Variants in AARS2 observed in about 807,000 individuals in gnomAD.
The protein encoded by AARS2 is alanyl-tRNA synthetase 2, mitochondrial.
AARS2 carries 78 observed loss-of-function variants against 119.7 expected under a neutral mutation model. The ratio of observed to expected loss-of-function variants is 0.65; its 90% CI spans 0.54 to 0.79. AARS2 has a LOEUF of 0.79. Among genes scored for constraint, AARS2 ranks in the 30% least tolerant of loss-of-function variants. The pLI is 0.00. For synonymous variants in AARS2, 502 were observed against 526.3 expected (o/e 0.95, Z 0.63); for missense variants, 1,157 against 1,291.3 (o/e 0.90, Z 1.59).
Position 44,305,190 on chromosome 6 carries a change from T to C in AARS2, c.1443A>G (p.Ala481=), listed in dbSNP as rs1270275747. ...GCTTCTGAACTGGCTCAGCCTGCCG[T>C]GCCCGGTGCTGCAGGGTGGGCATGG... ...RLAQEEAQHR[A]RQAEPVQKQG... is the part of the protein sequence containing the mutation. The change falls in exon 11 of 22, where the codon GCA becomes GCG. Residue 481 remains alanine (A), a synonymous_variant. Transcript: ENST00000244571. The surrounding 1 kb of genome is among the most constrained non-coding windows in gnomAD (Gnocchi z 4.6). 6.2e-7 allele frequency: 1 copy of C among 1,611,938 alleles called. No homozygotes were observed. The highest frequency in any genetic ancestry group is 8.5e-7 in the Non-Finnish European group (1 of 1,180,010).
intron 18 of AARS2, 95 bp from the exon 19 acceptor site, chr6:44,302,265 G>C: frequency 6.2e-7 from 1 of 1,609,816 alleles, no homozygotes; most frequent in Non-Finnish European, 8.5e-7. Context: ...CCACCCTGCA[G>C]ACAAATATCT....
rs142157120 is a variant in AARS2, at chr6:44,309,618, C to T, written c.894+681G>A. 1.7e-3 allele frequency among the ~76,000 whole-genome samples: 264 copies of T among 152,324 alleles called. 1 individual carries two copies. Among genetic ancestry groups the T allele is most frequent in the Middle Eastern group, 6.8e-3 (2 of 294 alleles). Reference sequence around the variant, plus strand: ...CTCCAAAGCAGGGAGCTTGATTCACCTAGCTCCAAACCTCTCTCTTCCCCA... The same window carrying T: ...CTCCAAAGCAGGGAGCTTGATTCACTTAGCTCCAAACCTCTCTCTTCCCCA... On this transcript the variant is annotated intron_variant, in intron 5 of 21. Coordinates refer to ENST00000244571, the MANE Select transcript of AARS2 (RefSeq NM_020745.4).
At chr6:44,303,513 A>G in intron 14 of AARS2, 90 bp from the exon 15 acceptor site, 1 of 1,586,092 alleles carries the variant, frequency 6.3e-7, no homozygotes, top group Non-Finnish European at 8.6e-7. Flanking sequence ...ATGTTCACTG[A>G]GCTATCCCCA....
At chr6:44,306,001 C>T (rs1265443964) in intron 9 of AARS2, among the ~76,000 whole-genome samples, 1 of 152,120 alleles carries the variant, frequency 6.6e-6, no homozygotes, top group Non-Finnish European at 1.5e-5. Context: ...TCCCTGGGCA[C>T]ACATCATTTC....
chr6:44,302,700 C>T, intron 17 of AARS2, 102 bp downstream of exon 17: 1 of 1,458,702 alleles, frequency 6.9e-7, no homozygotes, highest in Non-Finnish European at 9.4e-7. Context: ...CAAGTATGAA[C>T]ACTGGCTCTG....
Position 44,305,259 on chromosome 6 carries a change from T to G in AARS2, c.1435-61A>C. On this transcript the variant is annotated intron_variant, in intron 10 of 21. Coordinates refer to ENST00000244571, the MANE Select transcript of AARS2 (RefSeq NM_020745.4). This position sits in a 1 kb window ranked among gnomAD's most constrained non-coding sequence, Gnocchi z 4.6. ...GAGAATGAAAGAATGAAAGTGGGACTTCAGCCTCGCAGGGCCCTGTCCCTG... is the reference window on the plus strand; with the variant it reads ...GAGAATGAAAGAATGAAAGTGGGACGTCAGCCTCGCAGGGCCCTGTCCCTG... 6.3e-7 allele frequency: 1 copy of G among 1,596,108 alleles called. No homozygotes were observed. Among genetic ancestry groups the G allele is most frequent in the Non-Finnish European group, 8.5e-7 (1 of 1,175,786 alleles).
At position 44,302,464 on chromosome 6, in the gene AARS2, T is replaced by A; in HGVS notation, c.2414A>T (p.Glu805Val). The A allele has an allele frequency of 1.2e-6, 2 of 1,614,058 alleles. No individual in the cohort carries two copies. The highest frequency in any genetic ancestry group is 8.5e-7 in the Non-Finnish European group (1 of 1,180,002). The change falls in exon 18 of 22, where the codon GAG (glutamate) becomes GTG (valine). Residue 805 changes from glutamate to valine, a missense_variant. Coordinates refer to ENST00000244571, the MANE Select transcript of AARS2 (RefSeq NM_020745.4). ...ATCCCGGCTCCCCAGACTCAGCCGC[T>A]CAGTGGCCGCTTTCACTTCCTGGGC... Reference protein sequence around the residue: ...SLAQEVKAATERLSLGSRDVA... With the variant: ...SLAQEVKAATVRLSLGSRDVA...
In AARS2 at chr6:44,301,180, C is replaced by T; in HGVS notation, c.2769G>A (p.Val923=). 6.2e-7 allele frequency: 1 copy of T among 1,613,614 alleles called. No individual in the cohort carries two copies. ...LLLSPQPMGK[V]LCACQVAQGA... The stretch of plus-strand genomic sequence containing the variant: ...CCTGGGCCACCTGACAGGCACACAG[C>T]ACCTTCCCCATGGGCTGGGGGCTGA... Residue 923 remains valine, a synonymous_variant, in exon 21 of 22, where the codon GTG becomes GTA. Coordinates refer to ENST00000244571, the MANE Select transcript of AARS2 (RefSeq NM_020745.4).
chr6:44,306,674 G>A, intron 7 of AARS2, 142 bp from the exon 8 acceptor site: 3 of 1,104,640 alleles, frequency 2.7e-6, no homozygotes, highest in Non-Finnish European at 4.2e-6. Flanking sequence ...ATGGGGAACT[G>A]GTTTCCCTGT....
rs1785188220 is a variant in AARS2 at position 44,299,498 on chromosome 6, CA to C, written c.*1048del. Reference sequence around the variant, plus strand: ...CAGGCTGGTCTTGCACTTCTGGCCTCAAGCGATTCTCCAACCTCAGCCTCCT... The same window carrying C: ...CAGGCTGGTCTTGCACTTCTGGCCTCAGCGATTCTCCAACCTCAGCCTCCT... On this transcript the variant is annotated 3_prime_UTR_variant, in exon 22 of 22. Transcript: ENST00000244571. Among the ~76,000 whole-genome samples the C allele has an allele frequency of 6.6e-6, 1 of 151,520 alleles. No homozygotes were observed. Among genetic ancestry groups the C allele is most frequent in the African/African-American group, 2.4e-5 (1 of 41,190 alleles).
In AARS2 at chr6:44,304,522, G is replaced by C; in HGVS notation, c.1764C>G (p.Phe588Leu). The C allele has an allele frequency of 6.2e-7, 1 of 1,614,098 alleles. No homozygotes were observed. The highest frequency in any genetic ancestry group is 1.3e-5 in the African/African-American group (1 of 75,014). Reference sequence around the variant, plus strand: ...CACAGACCTGGGCCCGGGCTACTGGGAACAGCACGTCCTGAGGGAGGGTAG... The same window carrying C: ...CACAGACCTGGGCCCGGGCTACTGGCAACAGCACGTCCTGAGGGAGGGTAG... ...LVRAGQEDVL[F>L]PVARAQVCGG... Residue 588 changes from phenylalanine to leucine, a missense_variant, in exon 13 of 22, where the codon TTC (phenylalanine) becomes TTG (leucine). Coordinates refer to ENST00000244571, the MANE Select transcript of AARS2 (RefSeq NM_020745.4).
In AARS2 at chr6:44,303,434, G is replaced by A; in HGVS notation, c.2008-11C>T. The A allele has an allele frequency of 6.2e-7, 1 of 1,613,884 alleles. No homozygotes were observed. Among genetic ancestry groups the A allele is most frequent in the East Asian group, 2.2e-5 (1 of 44,880 alleles). ...TGGGGTCAATGGGGTCTGGAGGGGT[G>A]GGGAGGAAATGGAAAGACCAACATG... On this transcript the variant is annotated splice_polypyrimidine_tract_variant and intron_variant, in intron 14 of 21. Coordinates refer to ENST00000244571, the MANE Select transcript of AARS2 (RefSeq NM_020745.4).
In AARS2 at chr6:44,313,221, G is replaced by C. The variant is rs765149589; in HGVS notation, c.103C>G (p.Pro35Ala). ...LSHRPLSSEP[P>A]AAKASAVRAA... ...CTCACGGCCGAGGCCTTGGCTGCAG[G>C]GGGCTCCGATGAGAGCGGCCGATGG... The change falls in exon 1 of 22, where the codon CCT becomes GCT. Residue 35 changes from proline to alanine, a missense_variant. Pro to Ala is a conservative substitution (Grantham distance 27, BLOSUM62 -1). Transcript: ENST00000244571. The C allele has an allele frequency of 6.9e-6, 11 of 1,603,940 alleles. 1 individual carries two copies. In the South Asian group the frequency reaches 7.8e-5, roughly 11 times the overall value.
intron 4 of AARS2, 51 bp downstream of exon 4, chr6:44,310,943 C>T: frequency 1.2e-6 from 2 of 1,611,500 alleles, no homozygotes; most frequent in Non-Finnish European, 1.7e-6. Flanking sequence ...CTAATTGCCA[C>T]CTTTCCCACT....
At chr6:44,309,274 ACAGC>A (rs1255680041) in intron 5 of AARS2, among the ~76,000 whole-genome samples, 3 of 152,188 alleles carry the variant, frequency 2.0e-5, no homozygotes, top group Non-Finnish European at 2.9e-5. Context: ...CCCCAAACTG[ACAGC>A]CAGCCAAGCC....
intron 17 of AARS2, 103 bp downstream of exon 17, chr6:44,302,699 A>C: frequency 1.4e-6 from 2 of 1,458,364 alleles, no homozygotes; most frequent in Non-Finnish European, 1.9e-6. Flanking sequence ...CCAAGTATGA[A>C]CACTGGCTCT....
chr6:44,311,624 C>T (rs527473981), intron 2 of AARS2, 89 bp from the exon 3 acceptor site: 24 of 1,461,438 alleles, frequency 1.6e-5, no homozygotes, highest in African/African-American at 1.1e-4. Flanking sequence ...GTTTAGCTCC[C>T]GACTTAAGAC....
rs973443034 is a variant in AARS2, at chr6:44,303,427, G to C, written c.2008-4C>G. The C allele has an allele frequency of 5.0e-6, 8 of 1,613,896 alleles. No individual in the cohort carries two copies. Among genetic ancestry groups the C allele is most frequent in the Non-Finnish European group, 6.8e-6 (8 of 1,180,024 alleles). ...GCTGCTCTGGGGTCAATGGGGTCTG[G>C]AGGGGTGGGGAGGAAATGGAAAGAC... is the stretch of plus-strand genomic sequence containing the variant. On this transcript the variant is annotated splice_polypyrimidine_tract_variant and splice_region_variant and intron_variant, in intron 14 of 21. Coordinates refer to ENST00000244571, the MANE Select transcript of AARS2 (RefSeq NM_020745.4).
Position 44,307,533 on chromosome 6 carries a change from G to A in AARS2, c.895-139C>T, listed in dbSNP as rs1583057110. On this transcript the variant is annotated intron_variant, in intron 5 of 21. Coordinates refer to ENST00000244571, the MANE Select transcript of AARS2 (RefSeq NM_020745.4). This position sits in a 1 kb window ranked among gnomAD's most constrained non-coding sequence, Gnocchi z 4.4. ...CCTTGCCAGTCCAGTCCTGGGCTGAGAAGCCTCACAGATGAGCACAAGCCA... is the reference window on the plus strand; with the variant it reads ...CCTTGCCAGTCCAGTCCTGGGCTGAAAAGCCTCACAGATGAGCACAAGCCA... 1 of 1,146,632 alleles carries A rather than the reference G, an allele frequency of 8.7e-7. No individual in the cohort carries two copies. The highest frequency in any genetic ancestry group is 1.4e-5 in the South Asian group (1 of 71,406). 71.0% of individuals were successfully genotyped at this position (1,146,632 alleles called of 1,614,324 possible). A position where few individuals can be genotyped will look rare whatever the true frequency, so the allele number is the denominator to read the frequency against.
Sources: allele counts gnomAD v4.1 joint callset (sites outside exome capture counted in the v4.1 genomes callset), GRCh38; gene constraint gnomAD v4.1.1; non-coding constraint Gnocchi (gnomAD v3.1); transcripts MANE v1.5; gene names NCBI Gene and HGNC (gene_info 2026-07-23, HGNC 2026-07-21).